The following BAALC variants were observed in gnomAD, a reference collection of about 807,000 sequenced individuals.
BAALC encodes the protein brain and acute leukemia cytoplasmic protein.
Under a neutral mutation model 15.5 loss-of-function variants are expected in BAALC, and 9 were observed. The ratio of observed to expected loss-of-function variants is 0.58; its 90% CI spans 0.35 to 1.02. The LOEUF is 1.02. Among genes scored for constraint, BAALC ranks in the 50% least tolerant of loss-of-function variants. The pLI, the probability that BAALC is intolerant of heterozygous loss-of-function variation, is 0.02. For synonymous variants in BAALC, 80 were observed against 74.6 expected (o/e 1.07, Z -0.37); for missense variants, 201 against 192.4 (o/e 1.04, Z -0.27).
At chr8:103,197,927 A>C (rs1812131220) in intron 1 of BAALC, among the ~76,000 whole-genome samples, 1 of 152,210 alleles carries the variant, frequency 6.6e-6, no homozygotes, top group African/African-American at 2.4e-5. Context: ...TGGAGGAGAC[A>C]AGTATCAAAA....
intron 1 of BAALC, among the ~76,000 whole-genome samples, chr8:103,188,806 T>C (rs567251962): frequency 7.2e-5 from 11 of 152,338 alleles, no homozygotes; most frequent in African/African-American, 2.6e-4. Flanking sequence ...AAGGAGTACA[T>C]ATATTTTTAA....
At chr8:103,151,932 T>C (rs1810995755) in intron 1 of BAALC, among the ~76,000 whole-genome samples, 1 of 152,110 alleles carries the variant, frequency 6.6e-6, no homozygotes, top group Non-Finnish European at 1.5e-5. Flanking sequence ...TGTAACCATA[T>C]ACGGGAACCT....
At chr8:103,219,373 G>A (rs1046396483) in intron 2 of BAALC, 5 of 152,342 alleles carry the variant, frequency 3.3e-5, no homozygotes, top group African/African-American at 1.2e-4. Flanking sequence ...GATTAGAAAA[G>A]GTTCCCATAG....
At chr8:103,226,200 G>T (rs1026624804) in intron 2 of BAALC, among the ~76,000 whole-genome samples, 26 of 152,228 alleles carry the variant, frequency 1.7e-4, no homozygotes, top group African/African-American at 6.3e-4. Flanking sequence ...CCTGTGGAAA[G>T]GGATGATGGA....
chr8:103,219,584 G>C (rs184899201), intron 2 of BAALC: 1 of 152,270 alleles, frequency 6.6e-6, no homozygotes, highest in Non-Finnish European at 1.5e-5. Context: ...GATGGGGAAG[G>C]GGGCTGCGGT....
At chr8:103,181,774 A>G (rs1363736971) in intron 1 of BAALC, among the ~76,000 whole-genome samples, 1 of 152,218 alleles carries the variant, frequency 6.6e-6, no homozygotes, top group Non-Finnish European at 1.5e-5. Flanking sequence ...AGCAGTTTCT[A>G]TGGGCCAAAC....
At chr8:103,155,251 C>T (rs1238574422) in intron 1 of BAALC, among the ~76,000 whole-genome samples, 1 of 152,122 alleles carries the variant, frequency 6.6e-6, no homozygotes, top group Non-Finnish European at 1.5e-5. Context: ...ATTTCATATA[C>T]TTCAAACTAA....
intron 2 of BAALC, among the ~76,000 whole-genome samples, chr8:103,215,378 T>C (rs1318928646): frequency 2.0e-5 from 3 of 152,198 alleles, no homozygotes; most frequent in Admixed American, 6.5e-5. Flanking sequence ...ATTAAGAAGA[T>C]AGAACATAGC....
intron 1 of BAALC, among the ~76,000 whole-genome samples, chr8:103,142,666 C>T (rs546148224): frequency 3.9e-5 from 6 of 152,130 alleles, no homozygotes; most frequent in African/African-American, 1.4e-4. Context: ...AAATGGTTGC[C>T]GTGGTGACTG....
rs199603658 is a variant in BAALC, at chr8:103,228,148, G to A, written c.*49G>A. The A allele has an allele frequency of 7.7e-5, 98 of 1,274,308 alleles. No individual in the cohort carries two copies. Among genetic ancestry groups the A allele is most frequent in the African/African-American group, 5.6e-4 (38 of 67,856 alleles). 78.9% of individuals were successfully genotyped at this position (1,274,308 alleles called of 1,614,324 possible). A position where few individuals can be genotyped will look rare whatever the true frequency, so the allele number is the denominator to read the frequency against. ...GATGGACTTCTTCAGTGTCCTTCAC[G>A]GCACTGGATCCCATCAAAGAACCTT... On this transcript the variant is annotated 3_prime_UTR_variant, in exon 3 of 3. Coordinates refer to ENST00000309982, the MANE Select transcript of BAALC (RefSeq NM_024812.3).
chr8:103,210,631 C>T (rs1407484082), intron 1 of BAALC, among the ~76,000 whole-genome samples: 1 of 152,186 alleles, frequency 6.6e-6, no homozygotes, highest in Non-Finnish European at 1.5e-5. Context: ...GCAAATACCC[C>T]AAAGGAAAGA....
At chr8:103,153,206 C>G (rs1208337361) in intron 1 of BAALC, 1 of 152,104 alleles carries the variant, frequency 6.6e-6, no homozygotes, top group African/African-American at 2.4e-5. Flanking sequence ...ATGGGGAGAA[C>G]AGATACTGGG....
At chr8:103,220,410 C>T (rs1002739136) in intron 2 of BAALC, among the ~76,000 whole-genome samples, 6 of 152,202 alleles carry the variant, frequency 3.9e-5, no homozygotes, top group Admixed American at 6.5e-5. Context: ...GCAATGCACA[C>T]AGTTTCTGTT....
chr8:103,152,266 G>GT (rs1249936723), intron 1 of BAALC, among the ~76,000 whole-genome samples: 11 of 152,052 alleles, frequency 7.2e-5, no homozygotes, highest in Non-Finnish European at 1.6e-4. Context: ...ACTCTGCTCT[G>GT]TTTTTTGCTC....
At chr8:103,181,168 G>A (rs1052054433) in intron 1 of BAALC, among the ~76,000 whole-genome samples, 2 of 152,188 alleles carry the variant, frequency 1.3e-5, no homozygotes, top group African/African-American at 4.8e-5. Context: ...GTGAGTGGTT[G>A]TGCTCTGGAG....
chr8:103,185,473 C>A (rs1811814418), intron 1 of BAALC, among the ~76,000 whole-genome samples: 1 of 152,028 alleles, frequency 6.6e-6, no homozygotes, highest in South Asian at 2.1e-4. Flanking sequence ...TAATGGTTAT[C>A]CTAAAGTTTA....
At chr8:103,146,946 C>CT (rs34522131) in intron 1 of BAALC, among the ~76,000 whole-genome samples, 43,944 of 152,050 alleles carry the variant, frequency 0.29, 6,619 homozygotes, top group African/African-American at 0.36. Context: ...ACCTGTCACA[C>CT]TGCATTGCCA....
intron 1 of BAALC, among the ~76,000 whole-genome samples, chr8:103,198,613 A>T (rs1266463472): frequency 1.3e-5 from 2 of 152,170 alleles, no homozygotes; most frequent in Admixed American, 6.6e-5. Flanking sequence ...TTTTTTAAAC[A>T]TAAAAGCTGG....
intron 1 of BAALC, among the ~76,000 whole-genome samples, chr8:103,165,173 C>A (rs1485976240): frequency 6.6e-6 from 1 of 152,146 alleles, no homozygotes; most frequent in Non-Finnish European, 1.5e-5. Context: ...GGTTTCATGG[C>A]TGGGTGGCTC....
Sources: gnomAD v4.1 joint callset for allele counts (sites outside exome capture counted in the v4.1 genomes callset) on GRCh38, gnomAD v4.1.1 for gene constraint, MANE v1.5 for transcripts, NCBI Gene and HGNC (gene_info 2026-07-23, HGNC 2026-07-21) for gene names.